Variants in NRXN1 observed in about 807,000 individuals in gnomAD.
The protein encoded by NRXN1 is neurexin 1, also known as neurexin-1.
In NRXN1, 39 loss-of-function variants were observed where a neutral mutation model predicts 150.9. That is an observed-to-expected ratio of 0.26 (90% CI 0.20 to 0.34). The LOEUF (loss-of-function observed/expected upper bound fraction) is 0.34. Among genes scored for constraint, NRXN1 ranks in the 10% least tolerant of loss-of-function variants. NRXN1 has a pLI of 1.00. For synonymous variants in NRXN1, 924 were observed against 757.0 expected, an observed-to-expected ratio of 1.22 and a Z score of -3.62; for missense variants, 1,815 against 1,949.9, an observed-to-expected ratio of 0.93 and a Z score of 1.30.
intron 19 of NRXN1, among the ~76,000 whole-genome samples, chr2:50,059,535 T>C (rs528560615): frequency 2.0e-5 from 3 of 152,212 alleles, no homozygotes; most frequent in Admixed American, 1.3e-4. Context: ...CTGAAGAAAT[T>C]TGCATAGGTA....
At position 49,921,290 on chromosome 2, in the gene NRXN1, G is replaced by A. The variant is rs202028251; in HGVS notation, c.*654C>T. 7.9e-5 allele frequency: 12 copies of A among 152,458 alleles called. No homozygotes were observed. Among genetic ancestry groups the A allele is most frequent in the Admixed American group, 2.0e-4 (3 of 15,248 alleles). The allele number at this position is 152,458 out of a possible 1,614,324, so 9.4% of individuals were successfully genotyped here. A position where few individuals can be genotyped will look rare whatever the true frequency, so the allele number is the denominator to read the frequency against. On this transcript the variant is annotated 3_prime_UTR_variant, in exon 23 of 23. Transcript: ENST00000401669. ...TTGTTTTGAAATTTTGTGTGAAAAC[G>A]TGCCTTATATTTCACATTTTTGAAA...
Position 50,675,196 on chromosome 2 carries a change from T to A in NRXN1, c.833-51581A>T, listed in dbSNP as rs1689382367. Among the ~76,000 whole-genome samples, 3 of 152,216 alleles carry A rather than the reference T, an allele frequency of 2.0e-5. No individual in the cohort carries two copies. The South Asian group carries it at 6.2e-4, about 32-fold the overall frequency. On this transcript the variant is annotated intron_variant, in intron 5 of 22. Transcript: ENST00000401669. ...GAAGTGTGAGCCAAATAAATCTCTT[T>A]ACTTTATAAATTACCCAGTCTCAGG...
At chr2:50,898,605 G>A (rs2103922567) in intron 5 of NRXN1, 1 of 486,900 alleles carries the variant, frequency 2.1e-6, no homozygotes, top group Non-Finnish European at 4.1e-6. Context: ...CAACTTTGCT[G>A]TAATATTCTA....
intron 18 of NRXN1, among the ~76,000 whole-genome samples, chr2:50,186,162 G>C (rs1013944883): frequency 8.6e-5 from 13 of 151,948 alleles, no homozygotes; most frequent in African/African-American, 2.4e-4. Flanking sequence ...AAATAAAATG[G>C]CTCTTGTGGC....
intron 5 of NRXN1, among the ~76,000 whole-genome samples, chr2:50,653,006 T>C (rs1234572595): frequency 6.6e-6 from 1 of 152,038 alleles, no homozygotes; most frequent in East Asian, 1.9e-4. Flanking sequence ...GTTTTAGTAT[T>C]CCTTGACTTT....
At chr2:50,361,537 T>G (rs13424372) in intron 17 of NRXN1, among the ~76,000 whole-genome samples, 36,453 of 151,960 alleles carry the variant, frequency 0.24, 4,764 homozygotes, top group East Asian at 0.44. Context: ...TTCCTGGATA[T>G]ATACACCCTC....
intron 2 of NRXN1, 46 bp downstream of exon 2, chr2:51,027,456 G>A (rs1050562775): frequency 4.7e-6 from 7 of 1,476,622 alleles, no homozygotes; most frequent in Admixed American, 2.4e-5. Flanking sequence ...TCCTCCCCGA[G>A]CCCCGCCCAG....
At chr2:50,247,311 T>C (rs2066594391) in intron 17 of NRXN1, among the ~76,000 whole-genome samples, 1 of 152,096 alleles carries the variant, frequency 6.6e-6, no homozygotes, top group African/African-American at 2.4e-5. Flanking sequence ...CACAGTTCAC[T>C]TGAATAGCAT....
chr2:50,392,736 A>G (rs2081805380), intron 17 of NRXN1, among the ~76,000 whole-genome samples: 2 of 152,114 alleles, frequency 1.3e-5, no homozygotes, highest in Non-Finnish European at 2.9e-5. Context: ...ATGCGAAAAC[A>G]AAGACGTAGT....
intron 8 of NRXN1, among the ~76,000 whole-genome samples, chr2:50,554,261 T>C (rs985167748): frequency 7.9e-5 from 12 of 152,186 alleles, no homozygotes; most frequent in Non-Finnish European, 1.3e-4. Flanking sequence ...TAAGACAGCC[T>C]GTATCTGATT....
chr2:50,756,364 A>T (rs893686185), intron 5 of NRXN1, among the ~76,000 whole-genome samples: 2 of 151,632 alleles, frequency 1.3e-5, no homozygotes, highest in African/African-American at 4.8e-5. Context: ...CATAGAAATT[A>T]TGTTCATTCA....
chr2:50,105,933 A>G (rs145019382), intron 18 of NRXN1, among the ~76,000 whole-genome samples: 41 of 151,978 alleles, frequency 2.7e-4, no homozygotes, highest in African/African-American at 9.6e-4. Context: ...TAATAGGTGG[A>G]GTTGCTGATA....
intron 18 of NRXN1, among the ~76,000 whole-genome samples, chr2:50,108,813 T>C (rs1012689609): frequency 6.6e-6 from 1 of 152,096 alleles, no homozygotes; most frequent in African/African-American, 2.4e-5. Context: ...GGTTTAAACA[T>C]GTCAATCAAT....
At chr2:50,908,309 T>C (rs1480034630) in intron 5 of NRXN1, among the ~76,000 whole-genome samples, 1 of 151,570 alleles carries the variant, frequency 6.6e-6, no homozygotes, top group South Asian at 2.1e-4. Context: ...AAAAGTTCAG[T>C]ATGAATTGAT....
At chr2:50,624,470 C>T (rs183270402) in intron 5 of NRXN1, among the ~76,000 whole-genome samples, 3 of 152,054 alleles carry the variant, frequency 2.0e-5, no homozygotes, top group African/African-American at 4.8e-5. Context: ...TTCAGTGAAA[C>T]ATTTATGTTC....
intron 18 of NRXN1, among the ~76,000 whole-genome samples, chr2:50,177,002 ACATT>A (rs1574333856): frequency 6.6e-6 from 1 of 152,188 alleles, no homozygotes; most frequent in African/African-American, 2.4e-5. Context: ...GAGAAGACAT[ACATT>A]ATCATTTCAA....
At chr2:49,953,877 G>C (rs1442132909) in intron 21 of NRXN1, among the ~76,000 whole-genome samples, 2 of 151,806 alleles carry the variant, frequency 1.3e-5, no homozygotes, top group East Asian at 3.9e-4. Context: ...ACAAGGGGAG[G>C]GAGAGCCTTA....
intron 12 of NRXN1, among the ~76,000 whole-genome samples, chr2:50,521,963 C>T (rs758741198): frequency 1.3e-5 from 2 of 152,066 alleles, no homozygotes; most frequent in Non-Finnish European, 2.9e-5. Context: ...TCACTAGATT[C>T]TCTTTCTAGA....
chr2:49,935,270 G>T (rs1475505291), intron 22 of NRXN1, among the ~76,000 whole-genome samples: 1 of 152,068 alleles, frequency 6.6e-6, no homozygotes, highest in Non-Finnish European at 1.5e-5. Context: ...CACAGTAGGT[G>T]GCCAAATTGA....
Sources: gnomAD v4.1 joint callset for allele counts (sites outside exome capture counted in the v4.1 genomes callset) on GRCh38, gnomAD v4.1.1 for gene constraint, MANE v1.5 for transcripts, NCBI Gene and HGNC (gene_info 2026-07-23, HGNC 2026-07-21) for gene names.